EPHA7: variants seen among roughly 807,000 people sequenced by gnomAD.
EPHA7 encodes the protein ephrin type-A receptor 7.
In EPHA7, 25 loss-of-function variants were observed where a neutral mutation model predicts 112.6. That is an observed-to-expected ratio of 0.22 (90% confidence interval 0.16 to 0.31). EPHA7 has a LOEUF of 0.31. Among genes scored for constraint, EPHA7 ranks in the 10% least tolerant of loss-of-function variants. EPHA7 has a pLI of 1.00. For missense variants in EPHA7, 962 were observed against 1,212.6 expected, an observed-to-expected ratio of 0.79 and a Z score of 3.07; for synonymous variants, 437 against 406.5, an observed-to-expected ratio of 1.07 and a Z score of -0.90.
chr6:93,398,632 G>T (rs3799798), intron 3 of EPHA7, among the ~76,000 whole-genome samples: 1,541 of 151,970 alleles, frequency 0.01, 22 homozygotes, highest in African/African-American at 0.034. Context: ...GAAAAGAAGA[G>T]ACACTTTATT....
intron 5 of EPHA7, among the ~76,000 whole-genome samples, chr6:93,332,059 C>A (rs558933996): frequency 1.3e-5 from 2 of 151,610 alleles, no homozygotes; most frequent in East Asian, 3.9e-4. Flanking sequence ...ACTGATATCA[C>A]GGGAAACAGG....
intron 5 of EPHA7, among the ~76,000 whole-genome samples, chr6:93,289,355 T>C (rs1772233349): frequency 6.6e-6 from 1 of 152,128 alleles, no homozygotes; most frequent in Admixed American, 6.5e-5. Flanking sequence ...ACTAAGAAAT[T>C]TTGATAACAA....
intron 10 of EPHA7, among the ~76,000 whole-genome samples, 154 bp downstream of exon 10, chr6:93,259,200 T>G (rs1471800208): frequency 6.6e-6 from 1 of 152,016 alleles, no homozygotes; most frequent in African/African-American, 2.4e-5. Flanking sequence ...TTTCATAAGA[T>G]TTCATAAACA....
intron 13 of EPHA7, 68 bp downstream of exon 13, chr6:93,255,760 T>C (rs1380949263): frequency 2.2e-6 from 3 of 1,368,590 alleles, no homozygotes; most frequent in African/African-American, 1.4e-5. Context: ...TTTACATTAT[T>C]AGGTCCTGCT....
intron 5 of EPHA7, among the ~76,000 whole-genome samples, chr6:93,302,663 A>C (rs1183316806): frequency 1.3e-5 from 2 of 152,144 alleles, no homozygotes; most frequent in East Asian, 3.9e-4. Flanking sequence ...AATTTAATTT[A>C]TGAAGTTGTT....
At chr6:93,260,144 T>A (rs1381690220) in intron 9 of EPHA7, among the ~76,000 whole-genome samples, 4 of 151,862 alleles carry the variant, frequency 2.6e-5, no homozygotes, top group Non-Finnish European at 2.9e-5. Flanking sequence ...ATTTACAATA[T>A]TCCTGGGATC....
At chr6:93,392,097 A>G (rs1411280919) in intron 3 of EPHA7, among the ~76,000 whole-genome samples, 1 of 151,952 alleles carries the variant, frequency 6.6e-6, no homozygotes, top group Non-Finnish European at 1.5e-5. Context: ...TTTACACCCA[A>G]TTCCTTCCAT....
At chr6:93,368,021 T>C (rs780856699) in intron 3 of EPHA7, among the ~76,000 whole-genome samples, 2 of 152,110 alleles carry the variant, frequency 1.3e-5, no homozygotes, top group Non-Finnish European at 2.9e-5. Context: ...TATTATTATT[T>C]GCATACTGTG....
intron 5 of EPHA7, among the ~76,000 whole-genome samples, chr6:93,272,777 T>C (rs775269559): frequency 1.3e-5 from 2 of 152,114 alleles, no homozygotes; most frequent in Middle Eastern, 3.4e-3. Context: ...AAATATTTAT[T>C]TCACATGCAA....
chr6:93,355,544 T>C (rs1338308148), intron 5 of EPHA7, among the ~76,000 whole-genome samples: 4 of 152,210 alleles, frequency 2.6e-5, no homozygotes, highest in Non-Finnish European at 5.9e-5. Flanking sequence ...CACACTACTC[T>C]AGTAAAGGCC....
chr6:93,305,317 T>C (rs1013774547), intron 5 of EPHA7, among the ~76,000 whole-genome samples: 5 of 149,998 alleles, frequency 3.3e-5, no homozygotes, highest in African/African-American at 1.2e-4. Flanking sequence ...ATTATGAAAG[T>C]AAAAGTCCAA....
intron 5 of EPHA7, among the ~76,000 whole-genome samples, chr6:93,318,629 TTTTG>T (rs1159765076): frequency 4.6e-5 from 7 of 152,212 alleles, no homozygotes; most frequent in East Asian, 3.9e-4. Flanking sequence ...TCATTTTGTT[TTTTG>T]TTTGTTTGTT....
At chr6:93,281,077 T>C (rs756746496) in intron 5 of EPHA7, among the ~76,000 whole-genome samples, 2 of 152,182 alleles carry the variant, frequency 1.3e-5, no homozygotes, top group African/African-American at 2.4e-5. Context: ...TGAAATCACA[T>C]TGATAATTTT....
chr6:93,320,363 A>C (rs944148833), intron 5 of EPHA7, among the ~76,000 whole-genome samples: 1 of 152,210 alleles, frequency 6.6e-6, no homozygotes, highest in South Asian at 2.1e-4. Context: ...TCAGTATATT[A>C]GTTTTTCATT....
At chr6:93,327,357 C>T (rs1476727415) in intron 5 of EPHA7, among the ~76,000 whole-genome samples, 1 of 151,532 alleles carries the variant, frequency 6.6e-6, no homozygotes, top group Admixed American at 6.6e-5. Context: ...CCCTGGCACT[C>T]ACACCTCAAC....
chr6:93,263,963 A>G, intron 8 of EPHA7, 48 bp from the exon 9 acceptor site: 2 of 1,480,654 alleles, frequency 1.4e-6, no homozygotes, highest in South Asian at 1.1e-5. Context: ...TACTTTATAT[A>G]TTTAATATTC....
intron 5 of EPHA7, among the ~76,000 whole-genome samples, chr6:93,284,449 A>T (rs1340986343): frequency 6.6e-6 from 1 of 152,174 alleles, no homozygotes; most frequent in Non-Finnish European, 1.5e-5. Flanking sequence ...AAAGATCAGC[A>T]GCAGCAGGGG....
chr6:93,353,592 G>A (rs956622432), intron 5 of EPHA7, among the ~76,000 whole-genome samples: 5 of 152,100 alleles, frequency 3.3e-5, no homozygotes, highest in African/African-American at 1.2e-4. Flanking sequence ...GGTTCCCAAA[G>A]AGTTACATAA....
At chr6:93,348,453 A>C (rs1335936462) in intron 5 of EPHA7, among the ~76,000 whole-genome samples, 1 of 151,868 alleles carries the variant, frequency 6.6e-6, no homozygotes, top group Admixed American at 6.6e-5. Context: ...GTTATATAAA[A>C]GATATAAATT....
Sources: allele counts gnomAD v4.1 joint callset (sites outside exome capture counted in the v4.1 genomes callset), GRCh38; gene constraint gnomAD v4.1.1; transcripts MANE v1.5; gene names NCBI Gene and HGNC (gene_info 2026-07-23, HGNC 2026-07-21).